MYRF: variants seen among roughly 807,000 people sequenced by gnomAD.
MYRF encodes myelin gene regulatory factor.
MYRF carries 16 observed loss-of-function variants against 126.3 expected under a neutral mutation model. The observed-to-expected ratio is 0.13, with a 90% CI of 0.09 to 0.19. The LOEUF (loss-of-function observed/expected upper bound fraction) is 0.19. MYRF is among the 10% of genes least tolerant of loss of function. The probability of loss-of-function intolerance (pLI) is 1.00; values close to 1 mark genes in which losing one functional copy is unlikely to be tolerated. For synonymous variants in MYRF, 608 were observed against 635.3 expected (o/e 0.96, Z 0.65); for missense variants, 1,104 against 1,547.0 (o/e 0.71, Z 4.80).
Position 61,777,494 on chromosome 11 carries a change from G to A in MYRF, c.1791+30G>A. On this transcript the variant is annotated intron_variant, in intron 12 of 26. Coordinates refer to ENST00000278836, the MANE Select transcript of MYRF (RefSeq NM_001127392.3). The surrounding 1 kb of genome is among the most constrained non-coding windows in gnomAD (Gnocchi z 8.8). ...GGACAGGGCTGTGGGGGCCGGGCGG[G>A]TCCAGACGCTGGAGCGGGCCGCGGG... 6.4e-7 allele frequency: 1 copy of A among 1,562,546 alleles called. No homozygotes were observed. Among genetic ancestry groups the A allele is most frequent in the African/African-American group, 1.4e-5 (1 of 73,786 alleles).
In MYRF at chr11:61,777,594, C is replaced by T; in HGVS notation, c.1791+130C>T. On this transcript the variant is annotated intron_variant, in intron 12 of 26. Transcript: ENST00000278836. The surrounding 1 kb of genome is among the most constrained non-coding windows in gnomAD (Gnocchi z 8.8). ...GGGGGAAGGAAGGGAGGGAGGCTGG[C>T]CTCGAATCCCGATCTAACCACTCCA... 7.4e-7 allele frequency: 1 copy of T among 1,344,762 alleles called. No individual in the cohort carries two copies. Among genetic ancestry groups the T allele is most frequent in the Non-Finnish European group, 1.0e-6 (1 of 977,778 alleles). The allele number at this position is 1,344,762 out of a possible 1,614,324, so 83.3% of individuals were successfully genotyped here.
intron 3 of MYRF, among the ~76,000 whole-genome samples, chr11:61,768,226 G>T (rs1383584686): frequency 6.6e-6 from 1 of 152,200 alleles, no homozygotes; most frequent in African/African-American, 2.4e-5. Flanking sequence ...CCAAGTAGAG[G>T]AATAATCAGG....
chr11:61,757,717 T>G lies in MYRF; in HGVS notation c.46+4927T>G. On this transcript the variant is annotated intron_variant, in intron 1 of 26. Coordinates refer to ENST00000278836, the MANE Select transcript of MYRF (RefSeq NM_001127392.3). This position sits in a 1 kb window ranked among gnomAD's most constrained non-coding sequence, Gnocchi z 4.7. The stretch of plus-strand genomic sequence containing the variant: ...GGAGGGGCTTGGCTGTATTGTGACT[T>G]CATCTGCTGCACCCAGGCTCTTTGC... The G allele has an allele frequency of 2.8e-6, 1 of 363,268 alleles. No individual in the cohort carries two copies. Among genetic ancestry groups the G allele is most frequent in the Non-Finnish European group, 5.5e-6 (1 of 181,764 alleles). The allele number at this position is 363,268 out of a possible 1,614,324, so 22.5% of individuals were successfully genotyped here.
Position 61,778,452 on chromosome 11 carries a change from A to G in MYRF, c.1976A>G (p.Asn659Ser), listed in dbSNP as rs754852376. Residue 659 changes from asparagine to serine, a missense_variant, in exon 14 of 27, where the codon AAT becomes AGT. Asn to Ser is a conservative substitution (Grantham distance 46). Transcript: ENST00000278836. This position sits in a 1 kb window ranked among gnomAD's most constrained non-coding sequence, Gnocchi z 4.6. The stretch of plus-strand genomic sequence containing the variant: ...GACACCGGAGACATGGTCTTTGCCA[A>G]TGGGAAAACCATAGAGAACTTCCTG... ...VKDTGDMVFANGKTIENFLVV... is the reference protein window; with the variant it reads ...VKDTGDMVFASGKTIENFLVV... The G allele has an allele frequency of 6.2e-7, 1 of 1,614,072 alleles. No individual in the cohort carries two copies. Among genetic ancestry groups the G allele is most frequent in the East Asian group, 2.2e-5 (1 of 44,882 alleles).
At chr11:61,770,909 C>T (rs1422796271) in intron 5 of MYRF, among the ~76,000 whole-genome samples, 1 of 152,152 alleles carries the variant, frequency 6.6e-6, no homozygotes, top group African/African-American at 2.4e-5. Context: ...GAGGAGTCTT[C>T]TTCCTAGACC....
chr11:61,768,068 T>G (rs1469198167), intron 3 of MYRF, among the ~76,000 whole-genome samples: 1 of 145,904 alleles, frequency 6.9e-6, no homozygotes, highest in Non-Finnish European at 1.5e-5. Flanking sequence ...CAGTGAGTGG[T>G]GATTGTGCCA....
chr11:61,776,566 C>T lies in MYRF; in HGVS notation c.1499+134C>T, dbSNP rs1214909522. On this transcript the variant is annotated intron_variant, in intron 10 of 26. Transcript: ENST00000278836. This position sits in a 1 kb window ranked among gnomAD's most constrained non-coding sequence, Gnocchi z 4.3. Reference sequence around the variant, plus strand: ...GATGAGAGACCTGAGATTTAGAGCCCTTCATTGACTTAAGGATGGGAAGAG... The same window carrying T: ...GATGAGAGACCTGAGATTTAGAGCCTTTCATTGACTTAAGGATGGGAAGAG... The T allele has an allele frequency of 2.5e-5, 20 of 784,848 alleles. No individual in the cohort carries two copies. In the South Asian group the frequency reaches 3.4e-4, roughly 13 times the overall value. 48.6% of individuals were successfully genotyped at this position (784,848 alleles called of 1,614,324 possible).
In MYRF at chr11:61,752,767, A is replaced by G; in HGVS notation, c.23A>G (p.Glu8Gly). 2 of 1,484,034 alleles carry G rather than the reference A, an allele frequency of 1.3e-6. No homozygotes were observed. The highest frequency in any genetic ancestry group is 8.9e-7 in the Non-Finnish European group (1 of 1,122,434). 91.9% of individuals were successfully genotyped at this position (1,484,034 alleles called of 1,614,324 possible). ...GACATGGAGGTGGTGGACGAGACGG[A>G]GGCGCTGCAGCGCTTCTTCGAAGGT... Reference protein sequence around the residue: MEVVDETEALQRFFEGHD... With the variant: MEVVDETGALQRFFEGHD... The change falls in exon 1 of 27, where the codon GAG becomes GGG. Residue 8 changes from glutamate (E) to glycine (G), a missense_variant. Physicochemically the swap from Glu to Gly is moderately conservative, Grantham distance 98 (BLOSUM62 -2). Around this residue, in one of 10 missense-constraint regions of MYRF, gnomAD observed 368 missense variants for 403.9 expected, o/e 0.91. Coordinates refer to ENST00000278836, the MANE Select transcript of MYRF (RefSeq NM_001127392.3).
Position 61,769,308 on chromosome 11 carries a change from C to G in MYRF, c.447C>G (p.Pro149=), listed in dbSNP as rs780601996. 1.2e-5 allele frequency: 19 copies of G among 1,610,280 alleles called. No homozygotes were observed. Among genetic ancestry groups the G allele is most frequent in the East Asian group, 8.9e-5 (4 of 44,804 alleles). ...PPDSGSEAYS[P]QQVNEPHLLR... ...ACTCGGGCTCCGAGGCCTACTCCCCCCAGCAGGTGAATGGTGAGTCCAGCG... is the reference window on the plus strand; with the variant it reads ...ACTCGGGCTCCGAGGCCTACTCCCCGCAGCAGGTGAATGGTGAGTCCAGCG... The change falls in exon 4 of 27, where the codon CCC becomes CCG. Residue 149 remains proline (P), a synonymous_variant. Coordinates refer to ENST00000278836, the MANE Select transcript of MYRF (RefSeq NM_001127392.3).
At chr11:61,784,210 C>A in intron 24 of MYRF, 70 bp from the exon 25 acceptor site, 5 of 1,425,718 alleles carry the variant, frequency 3.5e-6, no homozygotes, top group Non-Finnish European at 4.8e-6. Flanking sequence ...GTGTGGCAGG[C>A]TGGCTGGGAG....
Position 61,752,653 on chromosome 11 carries a change from G to A in MYRF, c.-92G>A, listed in dbSNP as rs977022675. The A allele has an allele frequency of 1.9e-6, 2 of 1,031,608 alleles. No individual in the cohort carries two copies. The highest frequency in any genetic ancestry group is 2.5e-6 in the Non-Finnish European group (2 of 813,332). 63.9% of individuals were successfully genotyped at this position (1,031,608 alleles called of 1,614,324 possible). ...GCGGGACCGTAGCCGGAGCCCAGCC[G>A]GGACTGTCGCGCGGGCCGCGCCGGC... On this transcript the variant is annotated 5_prime_UTR_variant, in exon 1 of 27. Coordinates refer to ENST00000278836, the MANE Select transcript of MYRF (RefSeq NM_001127392.3).
chr11:61,772,706 G>A (rs1004224992), intron 7 of MYRF, among the ~76,000 whole-genome samples: 3 of 152,180 alleles, frequency 2.0e-5, no homozygotes, highest in Admixed American at 1.3e-4. Flanking sequence ...TACTCTTTGG[G>A]CCACCCTTGC....
rs111921844 is a variant in MYRF at position 61,781,837 on chromosome 11, C to A, written c.3016+13C>A. The A allele has an allele frequency of 6.6e-7, 1 of 1,525,622 alleles. No homozygotes were observed. The highest frequency in any genetic ancestry group is 1.3e-5 in the South Asian group (1 of 77,938). The allele number at this position is 1,525,622 out of a possible 1,614,324, so 94.5% of individuals were successfully genotyped here. ...CAGGGCCAGTCAGGTACTTGCTGCA[C>A]CCCTGACACTACCCAGCCCAGCCTG... On this transcript the variant is annotated intron_variant, in intron 22 of 26. Transcript: ENST00000278836.
Position 61,781,340 on chromosome 11 carries a change from C to A in MYRF, c.2764+11C>A. The A allele has an allele frequency of 6.2e-7, 1 of 1,612,638 alleles. No individual in the cohort carries two copies. Among genetic ancestry groups the A allele is most frequent in the Non-Finnish European group, 8.5e-7 (1 of 1,179,020 alleles). ...GCACCAACCGCTCAGGTAAGGCTTT[C>A]TGTGGGCTGGGGCTTGGGGCGGGGG... On this transcript the variant is annotated intron_variant, in intron 21 of 26. Transcript: ENST00000278836.
At chr11:61,761,072 G>A (rs898616716) in intron 1 of MYRF, among the ~76,000 whole-genome samples, 1 of 152,096 alleles carries the variant, frequency 6.6e-6, no homozygotes, top group Admixed American at 6.5e-5. Context: ...CTCGGGCCCC[G>A]GCCCACCCTA....
At position 61,777,963 on chromosome 11, in the gene MYRF, G is replaced by T; in HGVS notation, c.1903+118G>T. On this transcript the variant is annotated intron_variant, in intron 13 of 26. Transcript: ENST00000278836. This position sits in a 1 kb window ranked among gnomAD's most constrained non-coding sequence, Gnocchi z 8.8. ...TCTTGACTCCCGGAACTGCGCCCCT[G>T]GGAATCATGCCTTCTAGAAGTCCCG... 1.3e-6 allele frequency: 1 copy of T among 796,740 alleles called. No homozygotes were observed. The highest frequency in any genetic ancestry group is 1.5e-5 in the South Asian group (1 of 65,868). The allele number at this position is 796,740 out of a possible 1,614,324, so 49.4% of individuals were successfully genotyped here.
At chr11:61,767,463 C>A in intron 3 of MYRF, 1 of 456,262 alleles carries the variant, frequency 2.2e-6, no homozygotes, top group Non-Finnish European at 4.4e-6. Context: ...CAGAGCCACA[C>A]AGGGACTCTG....
intron 8 of MYRF, among the ~76,000 whole-genome samples, chr11:61,774,697 A>ACCTGCCTC (rs750389265): frequency 1.4e-4 from 21 of 146,306 alleles, no homozygotes; most frequent in South Asian, 4.4e-4. Flanking sequence ...GGGCTCATCA[A>ACCTGCCTC]CCTGCCTCCC....
In MYRF at chr11:61,786,232, G is replaced by C. The variant is rs773279834; in HGVS notation, c.*89G>C. 5 of 1,249,758 alleles carry C rather than the reference G, an allele frequency of 4.0e-6. No homozygotes were observed. In the African/African-American group the frequency reaches 6.0e-5, roughly 15 times the overall value. 77.4% of individuals were successfully genotyped at this position (1,249,758 alleles called of 1,614,324 possible). On this transcript the variant is annotated 3_prime_UTR_variant, in exon 27 of 27. Coordinates refer to ENST00000278836, the MANE Select transcript of MYRF (RefSeq NM_001127392.3). The surrounding 1 kb of genome is among the most constrained non-coding windows in gnomAD (Gnocchi z 4.5). The stretch of plus-strand genomic sequence containing the variant: ...ATGCAATGGTGTTACACTGGAGCCC[G>C]CTGCAGGCCAGCTCTGCTGTTCACT...
Sources: allele counts gnomAD v4.1 joint callset (sites outside exome capture counted in the v4.1 genomes callset), GRCh38; gene constraint gnomAD v4.1.1; regional missense constraint gnomAD v4.1.1; non-coding constraint Gnocchi (gnomAD v3.1); transcripts MANE v1.5; gene names NCBI Gene and HGNC (gene_info 2026-07-23, HGNC 2026-07-21).